MTUS2: variants seen among roughly 807,000 people sequenced by gnomAD.
The protein encoded by MTUS2 is microtubule-associated tumor suppressor candidate 2.
Under a neutral mutation model 114.1 loss-of-function variants are expected in MTUS2, and 40 were observed. The ratio of observed to expected loss-of-function variants is 0.35; its 90% confidence interval spans 0.27 to 0.46. MTUS2 has a LOEUF of 0.46. MTUS2 is among the 20% of genes least tolerant of loss of function. The pLI is 1.00. For synonymous variants in MTUS2, 688 were observed against 672.0 expected, an observed-to-expected ratio of 1.02 and a Z score of -0.37; for missense variants, 1,679 against 1,705.4, an observed-to-expected ratio of 0.98 and a Z score of 0.27.
At chr13:28,935,006 GTTTTTT>G (rs775863792) in intron 2 of MTUS2, among the ~76,000 whole-genome samples, 236 of 41,428 alleles carry the variant, frequency 5.7e-3, no homozygotes, top group African/African-American at 0.027. Context: ...TCTCCATAGC[GTTTTTT>G]TTTTTTTTTT....
chr13:29,210,010 C>T (rs1020863559), intron 5 of MTUS2, among the ~76,000 whole-genome samples: 1 of 152,136 alleles, frequency 6.6e-6, no homozygotes, highest in Non-Finnish European at 1.5e-5. Context: ...CTTGATTATT[C>T]CCTCAAATGT....
chr13:29,201,167 A>AAC (rs1894938892), intron 5 of MTUS2, among the ~76,000 whole-genome samples: 1 of 151,998 alleles, frequency 6.6e-6, no homozygotes, highest in Non-Finnish European at 1.5e-5. Flanking sequence ...GGTCACTAAG[A>AAC]ACTTGCTTTA....
chr13:29,102,805 C>G (rs1178283521), intron 5 of MTUS2, among the ~76,000 whole-genome samples: 1 of 152,126 alleles, frequency 6.6e-6, no homozygotes, highest in East Asian at 1.9e-4. Context: ...TATTTTGTTT[C>G]TGTTCTTTAG....
chr13:29,182,457 C>A (rs1894046845), intron 5 of MTUS2, among the ~76,000 whole-genome samples: 1 of 152,236 alleles, frequency 6.6e-6, no homozygotes, highest in Non-Finnish European at 1.5e-5. Context: ...TCTGTAAGTC[C>A]TCCAGACCAT....
At chr13:29,301,007 A>T (rs1028833401) in intron 6 of MTUS2, among the ~76,000 whole-genome samples, 1 of 152,210 alleles carries the variant, frequency 6.6e-6, no homozygotes, top group Non-Finnish European at 1.5e-5. Context: ...TGACATATTT[A>T]TTTGGCATTG....
At chr13:29,501,907 ACACT>A (rs1272715121) in intron 15 of MTUS2, among the ~76,000 whole-genome samples, 2 of 152,132 alleles carry the variant, frequency 1.3e-5, no homozygotes, top group Non-Finnish European at 2.9e-5. Flanking sequence ...ACTTACGCAC[ACACT>A]CATATACTCA....
chr13:29,190,809 G>T (rs1894416802), intron 5 of MTUS2, among the ~76,000 whole-genome samples: 1 of 152,192 alleles, frequency 6.6e-6, no homozygotes, highest in Non-Finnish European at 1.5e-5. Flanking sequence ...GCTGCTTCCA[G>T]GTCTGCTAGA....
intron 2 of MTUS2, among the ~76,000 whole-genome samples, chr13:28,879,082 A>T (rs1878131223): frequency 6.6e-6 from 1 of 152,092 alleles, no homozygotes; most frequent in African/African-American, 2.4e-5. Flanking sequence ...GTGATCAATG[A>T]TGTTGAGCTT....
intron 5 of MTUS2, among the ~76,000 whole-genome samples, chr13:29,160,856 A>G (rs1312480822): frequency 6.6e-6 from 1 of 152,172 alleles, no homozygotes; most frequent in African/African-American, 2.4e-5. Context: ...GGTCAACTGT[A>G]CTGATAAACA....
At chr13:28,871,498 AG>A (rs2138102151) in intron 2 of MTUS2, among the ~76,000 whole-genome samples, 1 of 152,324 alleles carries the variant, frequency 6.6e-6, no homozygotes, top group African/African-American at 2.4e-5. Context: ...GAGAAATTAC[AG>A]TGGGCATCTG....
At chr13:29,322,422 A>C (rs1168124818) in intron 6 of MTUS2, among the ~76,000 whole-genome samples, 1 of 152,192 alleles carries the variant, frequency 6.6e-6, no homozygotes, top group Non-Finnish European at 1.5e-5. Context: ...TGGAAGGTCC[A>C]GCCTTCTGTG....
chr13:29,079,183 G>T (rs2181182), intron 4 of MTUS2, among the ~76,000 whole-genome samples: 87,362 of 151,980 alleles, frequency 0.57, 25,395 homozygotes, highest in Non-Finnish European at 0.61. Context: ...AAAATGCTGT[G>T]CATTTTGTCA....
intron 7 of MTUS2, among the ~76,000 whole-genome samples, chr13:29,341,174 G>T (rs1258636004): frequency 2.0e-5 from 3 of 152,160 alleles, no homozygotes; most frequent in Non-Finnish European, 2.9e-5. Context: ...CCAGTAGTGG[G>T]ATTGCTGGAT....
chr13:29,194,171 G>T (rs1894570703), intron 5 of MTUS2, among the ~76,000 whole-genome samples: 1 of 151,224 alleles, frequency 6.6e-6, no homozygotes, highest in South Asian at 2.1e-4. Context: ...TACCATTCAG[G>T]ACATAGGCAT....
intron 7 of MTUS2, among the ~76,000 whole-genome samples, chr13:29,356,009 A>G (rs1869706827): frequency 6.6e-6 from 1 of 152,198 alleles, no homozygotes; most frequent in Admixed American, 6.5e-5. Context: ...TTCTTTGGAA[A>G]GAGTCTAAGT....
chr13:29,109,703 A>G (rs1890807366), intron 5 of MTUS2, among the ~76,000 whole-genome samples: 1 of 152,226 alleles, frequency 6.6e-6, no homozygotes, highest in Non-Finnish European at 1.5e-5. Context: ...CAAAGTACTT[A>G]GAAAGGAGAT....
chr13:28,998,556 A>G (rs1457893483), intron 2 of MTUS2, among the ~76,000 whole-genome samples: 2 of 152,194 alleles, frequency 1.3e-5, no homozygotes, highest in Non-Finnish European at 2.9e-5. Context: ...GTCTTTTCAC[A>G]TAGTCCCATA....
chr13:29,226,297 G>C (rs1204572969), intron 5 of MTUS2, among the ~76,000 whole-genome samples: 1 of 152,208 alleles, frequency 6.6e-6, no homozygotes, highest in Non-Finnish European at 1.5e-5. Context: ...TATTTGACAT[G>C]TACAGTGAAA....
intron 8 of MTUS2, among the ~76,000 whole-genome samples, chr13:29,435,418 T>G (rs1877331006): frequency 6.6e-6 from 1 of 152,192 alleles, no homozygotes; most frequent in Non-Finnish European, 1.5e-5. Flanking sequence ...GAGGAGGCCT[T>G]GATCATATTT....
Sources: allele counts gnomAD v4.1 joint callset (sites outside exome capture counted in the v4.1 genomes callset), GRCh38; gene constraint gnomAD v4.1.1; transcripts MANE v1.5; gene names NCBI Gene and HGNC (gene_info 2026-07-23, HGNC 2026-07-21).